PSD3: variants seen among roughly 807,000 people sequenced by gnomAD.
The protein encoded by PSD3 is pleckstrin and Sec7 domain containing 3.
A neutral mutation model predicts 105.5 loss-of-function variants in PSD3; 49 were observed. The ratio of observed to expected loss-of-function variants is 0.46; its 90% CI spans 0.37 to 0.59. PSD3 has a LOEUF of 0.59. Ranked by LOEUF, PSD3 falls within the 20% of genes least tolerant of loss-of-function variation. The pLI, the probability that PSD3 is intolerant of heterozygous loss-of-function variation, is 0.00. For missense variants in PSD3, 1,561 were observed against 1,263.8 expected (o/e 1.24, Z -3.57); for synonymous variants, 557 against 457.8 (o/e 1.22, Z -2.77).
At chr8:18,809,283 T>C (rs1217898866) in intron 4 of PSD3, among the ~76,000 whole-genome samples, 1 of 152,176 alleles carries the variant, frequency 6.6e-6, no homozygotes, top group East Asian at 1.9e-4. Context: ...GTCACTTAAA[T>C]GTGTAAGAGA....
chr8:18,711,037 T>A (rs1313280641), intron 9 of PSD3, among the ~76,000 whole-genome samples: 1 of 152,086 alleles, frequency 6.6e-6, no homozygotes, highest in African/African-American at 2.4e-5. Context: ...CTGGCCAAAC[T>A]AAGCTTTGTG....
At chr8:18,595,565 C>T (rs1162105588) in intron 12 of PSD3, among the ~76,000 whole-genome samples, 1 of 151,086 alleles carries the variant, frequency 6.6e-6, no homozygotes, top group Non-Finnish European at 1.5e-5. Flanking sequence ...GACACACACA[C>T]CTGAACATGA....
intron 4 of PSD3, among the ~76,000 whole-genome samples, chr8:18,813,016 C>CA (rs1297292802): frequency 6.6e-6 from 1 of 152,074 alleles, no homozygotes; most frequent in African/African-American, 2.4e-5. Flanking sequence ...ACAGAAAAAC[C>CA]AGCTACAAAA....
intron 4 of PSD3, among the ~76,000 whole-genome samples, chr8:18,813,215 G>T (rs1279737308): frequency 6.6e-6 from 1 of 152,194 alleles, no homozygotes; most frequent in African/African-American, 2.4e-5. Context: ...CTGGTGGAAG[G>T]TGATGCCACC....
chr8:18,572,516 C>T lies in PSD3; in HGVS notation c.2784+12G>A, dbSNP rs1802206201. 9.9e-6 allele frequency: 16 copies of T among 1,613,044 alleles called. No homozygotes were observed. Among genetic ancestry groups the T allele is most frequent in the Non-Finnish European group, 1.4e-5 (16 of 1,179,328 alleles). On this transcript the variant is annotated intron_variant, in intron 14 of 15. Transcript: ENST00000327040. ...CTTTTTCCCAAGGTCAAAGCACTATCAAGATGATTACCTGAGACAGTTTTG... is the reference window on the plus strand; with the variant it reads ...CTTTTTCCCAAGGTCAAAGCACTATTAAGATGATTACCTGAGACAGTTTTG...
intron 1 of PSD3, among the ~76,000 whole-genome samples, chr8:19,050,900 C>G (rs988711999): frequency 1.3e-5 from 2 of 152,088 alleles, no homozygotes; most frequent in African/African-American, 4.8e-5. Context: ...GAGCCAGGAG[C>G]TAGTCACTCA....
At chr8:18,868,744 T>A (rs879318036) in intron 3 of PSD3, among the ~76,000 whole-genome samples, 8 of 152,292 alleles carry the variant, frequency 5.3e-5, no homozygotes, top group Non-Finnish European at 1.2e-4. Flanking sequence ...ACGTGAACAA[T>A]TAATATGCAG....
chr8:18,787,849 G>C (rs1032589510), intron 8 of PSD3, among the ~76,000 whole-genome samples: 4 of 152,112 alleles, frequency 2.6e-5, no homozygotes, highest in African/African-American at 4.8e-5. Flanking sequence ...TTTTAGTAAA[G>C]AATTTGGGGA....
At chr8:18,595,120 GAGTAAA>G (rs1414977509) in intron 12 of PSD3, among the ~76,000 whole-genome samples, 1 of 151,800 alleles carries the variant, frequency 6.6e-6, no homozygotes, top group African/African-American at 2.4e-5. Flanking sequence ...ATTTGTGACG[GAGTAAA>G]AGTATAGTTT....
intron 1 of PSD3, among the ~76,000 whole-genome samples, chr8:19,054,033 C>T (rs1828621835): frequency 6.6e-6 from 1 of 152,202 alleles, no homozygotes. Context: ...GTCTTCTCCT[C>T]TGACTGTAAG....
chr8:19,036,485 C>T (rs1827947857), intron 1 of PSD3, among the ~76,000 whole-genome samples: 1 of 152,150 alleles, frequency 6.6e-6, no homozygotes, highest in Non-Finnish European at 1.5e-5. Context: ...ACCAGAGATC[C>T]TCTAATCCAG....
At chr8:18,840,427 T>A (rs1044756037) in intron 4 of PSD3, among the ~76,000 whole-genome samples, 2 of 152,212 alleles carry the variant, frequency 1.3e-5, no homozygotes, top group African/African-American at 4.8e-5. Flanking sequence ...GAAAAACATT[T>A]CAGTGGGATC....
chr8:19,045,723 T>C (rs1054495955), intron 1 of PSD3, among the ~76,000 whole-genome samples: 2 of 152,216 alleles, frequency 1.3e-5, no homozygotes, highest in Admixed American at 1.3e-4. Flanking sequence ...TCCAGCCATC[T>C]GATTTAGCCA....
chr8:18,982,980 G>C (rs1031009317), intron 1 of PSD3, among the ~76,000 whole-genome samples: 1 of 152,214 alleles, frequency 6.6e-6, no homozygotes, highest in Non-Finnish European at 1.5e-5. Flanking sequence ...GTAAGTTCCA[G>C]ACGGCATCTT....
At chr8:18,758,439 A>C (rs1246602050) in intron 9 of PSD3, among the ~76,000 whole-genome samples, 1 of 150,706 alleles carries the variant, frequency 6.6e-6, no homozygotes, top group Admixed American at 6.6e-5. Context: ...TTTAAGAAGA[A>C]TCATTACAGC....
intron 1 of PSD3, among the ~76,000 whole-genome samples, chr8:19,030,201 T>C (rs1217665862): frequency 6.6e-6 from 1 of 152,222 alleles, no homozygotes; most frequent in Non-Finnish European, 1.5e-5. Flanking sequence ...TTTTGCCAAA[T>C]CCTGTTTCTG....
chr8:18,810,322 T>G (rs963345215), intron 4 of PSD3, among the ~76,000 whole-genome samples: 2 of 152,210 alleles, frequency 1.3e-5, no homozygotes, highest in African/African-American at 2.4e-5. Context: ...CTTCCTCCAC[T>G]GTCTTCCATG....
At chr8:18,809,106 A>C (rs1390369510) in intron 4 of PSD3, among the ~76,000 whole-genome samples, 3 of 152,114 alleles carry the variant, frequency 2.0e-5, no homozygotes, top group African/African-American at 7.2e-5. Flanking sequence ...ATAACACCCC[A>C]TTTTGTTTTC....
intron 12 of PSD3, among the ~76,000 whole-genome samples, chr8:18,575,882 T>C (rs1802433576): frequency 6.7e-6 from 1 of 149,960 alleles, no homozygotes; most frequent in Admixed American, 6.6e-5. Flanking sequence ...GCTTAGCTTG[T>C]TATCAAAAAC....
Sources: gnomAD v4.1 joint callset for allele counts (sites outside exome capture counted in the v4.1 genomes callset) on GRCh38, gnomAD v4.1.1 for gene constraint, MANE v1.5 for transcripts, NCBI Gene and HGNC (gene_info 2026-07-23, HGNC 2026-07-21) for gene names.